Variants in RPH3A observed in about 807,000 individuals in gnomAD.
RPH3A encodes the protein rabphilin-3A.
Under a neutral mutation model 102.2 loss-of-function variants are expected in RPH3A, and 48 were observed. The observed-to-expected ratio is 0.47, with a 90% CI of 0.37 to 0.60. The LOEUF is 0.60. RPH3A is among the 20% of genes least tolerant of loss of function. The pLI, the probability that RPH3A is intolerant of heterozygous loss-of-function variation, is 0.00. For missense variants in RPH3A, 781 were observed against 910.1 expected (o/e 0.86, Z 1.83); for synonymous variants, 310 against 324.3 (o/e 0.96, Z 0.47).
At chr12:112,822,429 C>T (rs1176777635) in intron 2 of RPH3A, among the ~76,000 whole-genome samples, 4 of 152,180 alleles carry the variant, frequency 2.6e-5, no homozygotes, top group Non-Finnish European at 4.4e-5. Flanking sequence ...ATAGGCTTTG[C>T]GTTGTTTTTT....
chr12:112,624,542 G>A (rs2039757708), intron 1 of RPH3A, among the ~76,000 whole-genome samples: 2 of 150,238 alleles, frequency 1.3e-5, no homozygotes, highest in Middle Eastern at 3.5e-3. Context: ...AATAACAGGA[G>A]CTGAAATTGT....
intron 6 of RPH3A, 139 bp downstream of exon 6, chr12:112,865,682 C>T (rs1870824475): frequency 3.3e-6 from 3 of 915,838 alleles, no homozygotes; most frequent in Non-Finnish European, 4.7e-6. Flanking sequence ...TGGTTTTTTT[C>T]TGGGATGCTT....
At chr12:112,868,233 C>G (rs995794301) in intron 7 of RPH3A, 197 bp from the exon 8 acceptor site, 1 of 521,946 alleles carries the variant, frequency 1.9e-6, no homozygotes, top group Admixed American at 3.3e-5. Flanking sequence ...TAAACTGAAG[C>G]CCTTTCTACT....
chr12:112,680,503 A>G (rs1388769277), intron 1 of RPH3A, among the ~76,000 whole-genome samples: 3 of 152,136 alleles, frequency 2.0e-5, no homozygotes, highest in Admixed American at 6.5e-5. Flanking sequence ...AGGCCCGGAG[A>G]AGTCAAGTTA....
At chr12:112,640,587 A>G (rs1014111648) in intron 1 of RPH3A, among the ~76,000 whole-genome samples, 3 of 152,050 alleles carry the variant, frequency 2.0e-5, no homozygotes, top group East Asian at 1.9e-4. Context: ...TTTGAATTGA[A>G]TAGCATCTCA....
At chr12:112,829,960 A>T (rs375075806) in intron 3 of RPH3A, among the ~76,000 whole-genome samples, 10 of 152,360 alleles carry the variant, frequency 6.6e-5, no homozygotes, top group East Asian at 3.9e-4. Flanking sequence ...CTTGAAGTAC[A>T]TAAGGTTGGA....
chr12:112,844,146 C>A, intron 4 of RPH3A, among the ~76,000 whole-genome samples: 1 of 152,184 alleles, frequency 6.6e-6, no homozygotes, highest in Admixed American at 6.5e-5. Context: ...GTGTAATGCC[C>A]TGACCCTGGG....
intron 1 of RPH3A, among the ~76,000 whole-genome samples, chr12:112,744,057 C>T (rs2040727502): frequency 2.0e-5 from 3 of 152,182 alleles, no homozygotes; most frequent in Middle Eastern, 3.4e-3. Context: ...CTTGACTGTT[C>T]CAGGCTTCAG....
At chr12:112,618,749 C>T (rs1045601592) in intron 1 of RPH3A, among the ~76,000 whole-genome samples, 3 of 152,144 alleles carry the variant, frequency 2.0e-5, no homozygotes, top group Non-Finnish European at 2.9e-5. Context: ...AAGCGAGCCA[C>T]TCAATTATTT....
At chr12:112,861,467 A>T (rs1157040428) in intron 5 of RPH3A, among the ~76,000 whole-genome samples, 2 of 152,164 alleles carry the variant, frequency 1.3e-5, no homozygotes, top group African/African-American at 4.8e-5. Flanking sequence ...GAAATCGAGC[A>T]GGGTGGAGGT....
At chr12:112,575,540 G>T (rs1472151514) in intron 1 of RPH3A, among the ~76,000 whole-genome samples, 1 of 152,098 alleles carries the variant, frequency 6.6e-6, no homozygotes, top group Non-Finnish European at 1.5e-5. Flanking sequence ...CTATCCTTTG[G>T]GATTTTGAGG....
chr12:112,709,850 C>T (rs186985285), intron 1 of RPH3A, among the ~76,000 whole-genome samples: 1 of 152,172 alleles, frequency 6.6e-6, no homozygotes, highest in Admixed American at 6.5e-5. Flanking sequence ...ATTATCCCCC[C>T]ACTTTACAGA....
chr12:112,701,263 CTT>C (rs1393932606), intron 1 of RPH3A, among the ~76,000 whole-genome samples: 1 of 152,062 alleles, frequency 6.6e-6, no homozygotes, highest in African/African-American at 2.4e-5. Context: ...TCACCTTACT[CTT>C]TAGATGTAAG....
chr12:112,737,113 C>T (rs2040674854), intron 1 of RPH3A, among the ~76,000 whole-genome samples: 2 of 144,530 alleles, frequency 1.4e-5, no homozygotes, highest in South Asian at 2.2e-4. Flanking sequence ...CGAGATTGTG[C>T]TACTGCACTC....
chr12:112,692,080 G>T (rs926764921), intron 1 of RPH3A, among the ~76,000 whole-genome samples: 1 of 152,338 alleles, frequency 6.6e-6, no homozygotes, highest in South Asian at 2.1e-4. Context: ...GGAACAGAAA[G>T]TTAAACATCA....
upstream of RPH3A, among the ~76,000 whole-genome samples, chr12:112,787,519 G>A (rs115228211): frequency 3.9e-3 from 597 of 152,312 alleles, 5 homozygotes; most frequent in African/African-American, 0.013. Flanking sequence ...TGTCAGTCAT[G>A]AATAGTGCTG....
chr12:112,846,018 A>G (rs1172433794), intron 4 of RPH3A, among the ~76,000 whole-genome samples: 1 of 152,124 alleles, frequency 6.6e-6, no homozygotes, highest in Admixed American at 6.6e-5. Flanking sequence ...TTTAAGATTG[A>G]GCAGAGAGGC....
intron 1 of RPH3A, among the ~76,000 whole-genome samples, chr12:112,712,905 TCTTCTTCTTCTTCTTCTTCC>T (rs2040475560): frequency 3.3e-5 from 3 of 92,234 alleles, no homozygotes; most frequent in South Asian, 4.9e-4. Context: ...TTCTTCTTCC[TCTTCTTCTTCTTCTTCTTCC>T]TCTTCTTCTT....
intron 1 of RPH3A, among the ~76,000 whole-genome samples, chr12:112,767,882 G>T (rs2040901574): frequency 6.6e-6 from 1 of 152,142 alleles, no homozygotes; most frequent in Non-Finnish European, 1.5e-5. Context: ...CATGTTACAT[G>T]ATTTTATTTG....
Sources: allele counts gnomAD v4.1 joint callset (sites outside exome capture counted in the v4.1 genomes callset), GRCh38; gene constraint gnomAD v4.1.1; transcripts MANE v1.5; gene names NCBI Gene and HGNC (gene_info 2026-07-23, HGNC 2026-07-21).